PAK5: variants seen among roughly 807,000 people sequenced by gnomAD.
PAK5 encodes the protein p21 (RAC1) activated kinase 5.
PAK5 carries 16 observed loss-of-function variants against 65.9 expected under a neutral mutation model. The ratio of observed to expected loss-of-function variants is 0.24; its 90% CI spans 0.16 to 0.37. The LOEUF is 0.37. Among genes scored for constraint, PAK5 ranks in the 10% least tolerant of loss-of-function variants. The pLI is 1.00. For synonymous variants in PAK5, 371 were observed against 354.9 expected, an observed-to-expected ratio of 1.05 and a Z score of -0.51; for missense variants, 785 against 903.9, an observed-to-expected ratio of 0.87 and a Z score of 1.69.
intron 2 of PAK5, among the ~76,000 whole-genome samples, chr20:9,692,879 AT>A (rs2123437912): frequency 1.3e-5 from 2 of 152,278 alleles, no homozygotes; most frequent in South Asian, 4.1e-4. Flanking sequence ...ATTAAAAAAA[AT>A]TAAATAAATA....
chr20:9,574,484 A>C (rs1403408588), intron 4 of PAK5, among the ~76,000 whole-genome samples: 1 of 152,202 alleles, frequency 6.6e-6, no homozygotes, highest in Non-Finnish European at 1.5e-5. Flanking sequence ...AGTGATGTGG[A>C]GGGACTCTTC....
intron 1 of PAK5, among the ~76,000 whole-genome samples, chr20:9,773,081 G>T (rs540592500): frequency 6.6e-6 from 1 of 152,188 alleles, no homozygotes; most frequent in Non-Finnish European, 1.5e-5. Context: ...ATTCAACAGG[G>T]TGTAGAAGGC....
chr20:9,755,189 TA>T (rs1225739743), intron 1 of PAK5, among the ~76,000 whole-genome samples: 2 of 152,186 alleles, frequency 1.3e-5, no homozygotes, highest in African/African-American at 2.4e-5. Flanking sequence ...CCTACTGAAA[TA>T]ATCTTTCTGG....
chr20:9,770,116 G>A (rs535918334), intron 1 of PAK5, among the ~76,000 whole-genome samples: 2 of 152,266 alleles, frequency 1.3e-5, no homozygotes, highest in Middle Eastern at 3.4e-3. Flanking sequence ...ATGCAGGAGA[G>A]GGGGAAGAGT....
rs1162196342 is a variant in PAK5, at chr20:9,580,655, A to G, written c.480T>C (p.Tyr160=). The G allele has an allele frequency of 1.4e-5, 22 of 1,614,044 alleles. No individual in the cohort carries two copies. Among genetic ancestry groups the G allele is most frequent in the Non-Finnish European group, 1.8e-5 (21 of 1,180,002 alleles). ...SLYGDDLDPY[Y]RGSHAAKQNG... Reference sequence around the variant, plus strand: ...TTTGCTTGGCTGCGTGGCTGCCTCTATAATACGGATCCAGATCATCTCCAT... The same window carrying G: ...TTTGCTTGGCTGCGTGGCTGCCTCTGTAATACGGATCCAGATCATCTCCAT... Residue 160 remains tyrosine (Y), a synonymous_variant, in exon 4 of 10, where the codon TAT becomes TAC. Coordinates refer to ENST00000353224, the MANE Select transcript of PAK5 (RefSeq NM_177990.4).
intron 1 of PAK5, among the ~76,000 whole-genome samples, chr20:9,836,047 T>C (rs1425200494): frequency 6.6e-6 from 1 of 152,216 alleles, no homozygotes; most frequent in Non-Finnish European, 1.5e-5. Context: ...CCCAGGTAAG[T>C]GACATGCATA....
chr20:9,687,325 A>G (rs1193240200), intron 2 of PAK5, among the ~76,000 whole-genome samples: 1 of 152,242 alleles, frequency 6.6e-6, no homozygotes, highest in Admixed American at 6.5e-5. Context: ...CTTGAGTCAC[A>G]TCATCCCTCC....
chr20:9,611,369 G>A (rs1437653052), intron 3 of PAK5, among the ~76,000 whole-genome samples: 2 of 152,182 alleles, frequency 1.3e-5, no homozygotes, highest in Non-Finnish European at 2.9e-5. Flanking sequence ...ATTCCAGGAA[G>A]GGGATAACGG....
intron 3 of PAK5, among the ~76,000 whole-genome samples, chr20:9,591,153 G>A (rs6140973): frequency 0.055 from 8,309 of 152,128 alleles, 322 homozygotes; most frequent in East Asian, 0.21. Flanking sequence ...TGACTCCAAG[G>A]TATGGCATTA....
At chr20:9,550,744 G>A (rs913322000) in intron 7 of PAK5, among the ~76,000 whole-genome samples, 3 of 151,882 alleles carry the variant, frequency 2.0e-5, no homozygotes, top group Non-Finnish European at 2.9e-5. Flanking sequence ...GTGTGTGTGT[G>A]TGTGTGTGTG....
chr20:9,657,908 T>C (rs1481982217), intron 2 of PAK5, among the ~76,000 whole-genome samples: 7 of 152,230 alleles, frequency 4.6e-5, no homozygotes, highest in Non-Finnish European at 5.9e-5. Flanking sequence ...TGGTCCACCA[T>C]CTGTAAACAT....
At chr20:9,738,938 C>T (rs1176607171) in intron 1 of PAK5, among the ~76,000 whole-genome samples, 3 of 151,992 alleles carry the variant, frequency 2.0e-5, no homozygotes, top group African/African-American at 4.8e-5. Flanking sequence ...TTGATAACCA[C>T]GTGAGGCTAA....
intron 1 of PAK5, among the ~76,000 whole-genome samples, chr20:9,776,873 T>C (rs1273211279): frequency 6.6e-6 from 1 of 152,176 alleles, no homozygotes; most frequent in Admixed American, 6.5e-5. Flanking sequence ...ATAGAAACTA[T>C]GGGATAAGAA....
In PAK5 at chr20:9,671,922, C is replaced by A. The variant is rs575091185; in HGVS notation, c.-11-27583G>T. Among the ~76,000 whole-genome samples the A allele has an allele frequency of 3.3e-5, 5 of 152,202 alleles. No homozygotes were observed. The South Asian group carries it at 1.0e-3, about 32-fold the overall frequency. On this transcript the variant is annotated intron_variant, in intron 2 of 9. Transcript: ENST00000353224. The stretch of plus-strand genomic sequence containing the variant: ...GGTACCCCTGACTTTAAAATAGGCC[C>A]TGTTCCTGTCAAAGAACTCCTGATC...
intron 3 of PAK5, among the ~76,000 whole-genome samples, chr20:9,597,090 G>A (rs2046283147): frequency 6.6e-6 from 1 of 152,206 alleles, no homozygotes; most frequent in South Asian, 2.1e-4. Flanking sequence ...TAGAGAGAGT[G>A]CTGGATTATA....
At chr20:9,555,555 C>G (rs2045493195) in intron 7 of PAK5, among the ~76,000 whole-genome samples, 1 of 152,126 alleles carries the variant, frequency 6.6e-6, no homozygotes, top group East Asian at 1.9e-4. Flanking sequence ...CACCGTGGAG[C>G]CTTGCGTAGG....
intron 1 of PAK5, among the ~76,000 whole-genome samples, chr20:9,764,988 C>T (rs2048741079): frequency 6.6e-6 from 1 of 152,094 alleles, no homozygotes; most frequent in Non-Finnish European, 1.5e-5. Context: ...AGGCAATGAC[C>T]TATGAGTGGA....
chr20:9,824,801 C>T (rs1485062399), intron 1 of PAK5, among the ~76,000 whole-genome samples: 3 of 152,292 alleles, frequency 2.0e-5, no homozygotes, highest in Non-Finnish European at 2.9e-5. Flanking sequence ...ATTTATTATG[C>T]TGTTTCCTGT....
In PAK5 at chr20:9,607,812, C is replaced by T. The variant is rs192424558; in HGVS notation, c.205-26882G>A. Among the ~76,000 whole-genome samples the T allele has an allele frequency of 3.6e-3, 547 of 151,322 alleles. 4 individuals carry two copies. The highest frequency in any genetic ancestry group is 0.017 in the Middle Eastern group (5 of 292). On this transcript the variant is annotated intron_variant, in intron 3 of 9. Transcript: ENST00000353224. ...CCACTGCCCTCCAGCCTGGGCAATGCAACAAGACTCTGTCTAAAAAAAAAG... is the reference window on the plus strand; with the variant it reads ...CCACTGCCCTCCAGCCTGGGCAATGTAACAAGACTCTGTCTAAAAAAAAAG...
Sources: allele counts gnomAD v4.1 joint callset (sites outside exome capture counted in the v4.1 genomes callset), GRCh38; gene constraint gnomAD v4.1.1; transcripts MANE v1.5; gene names NCBI Gene and HGNC (gene_info 2026-07-23, HGNC 2026-07-21).